Variants in NSF observed in about 807,000 individuals in gnomAD.
NSF encodes vesicle-fusing ATPase.
Under a neutral mutation model 50.3 loss-of-function variants are expected in NSF, and 14 were observed. The observed-to-expected ratio is 0.28, with a 90% CI of 0.18 to 0.44. The LOEUF (loss-of-function observed/expected upper bound fraction) is 0.44, where lower values mean the gene tolerates loss of function less well. Among genes scored for constraint, NSF ranks in the 20% least tolerant of loss-of-function variants. The probability of loss-of-function intolerance (pLI) is 1.00; values close to 1 mark genes in which losing one functional copy is unlikely to be tolerated. For missense variants in NSF, 218 were observed against 504.3 expected, an observed-to-expected ratio of 0.43 and a Z score of 5.44; for synonymous variants, 109 against 175.7, an observed-to-expected ratio of 0.62 and a Z score of 3.00.
chr17:46,610,722 TG>T (rs1422560702), intron 1 of NSF, among the ~76,000 whole-genome samples: 1 of 60,910 alleles, frequency 1.6e-5, no homozygotes, highest in African/African-American at 1.4e-4. Context: ...CACAACCTTA[TG>T]AGTTGGCACT....
intron 17 of NSF, among the ~76,000 whole-genome samples, chr17:46,737,588 T>C (rs1401464128): frequency 6.6e-6 from 1 of 151,734 alleles, no homozygotes; most frequent in Non-Finnish European, 1.5e-5. Context: ...TGTGTGTGTG[T>C]GTGTGTGTGT....
intron 19 of NSF, 73 bp from the exon 20 acceptor site, chr17:46,755,241 C>A: frequency 8.9e-7 from 1 of 1,126,472 alleles, no homozygotes; most frequent in Non-Finnish European, 1.4e-6. Flanking sequence ...CCGAACACTG[C>A]CTTCTCATGA....
In NSF at chr17:46,751,574, A is replaced by G; in HGVS notation, c.2115A>G (p.Ile705Met). ...AAGTCAAAGGGAAGAAGGTCTGGAT[A>G]GGAATCAAGAAGTTACTAATGCTGA... ...AQQVKGKKVW[I>M]GIKKLLMLIE... The change falls in exon 19 of 21, where the codon ATA becomes ATG. Residue 705 changes from isoleucine to methionine, a missense_variant. Physicochemically the swap from Ile to Met is conservative, Grantham distance 10. Around this residue, in one of 2 missense-constraint regions of NSF, gnomAD observed 209 missense variants for 320.9 expected, o/e 0.65. Transcript: ENST00000398238. 1 of 1,614,080 alleles carries G rather than the reference A, an allele frequency of 6.2e-7. No homozygotes were observed. The highest frequency in any genetic ancestry group is 8.5e-7 in the Non-Finnish European group (1 of 1,179,954).
chr17:46,732,695 A>G (rs2058961851), intron 17 of NSF, among the ~76,000 whole-genome samples: 1 of 152,178 alleles, frequency 6.6e-6, no homozygotes, highest in Non-Finnish European at 1.5e-5. Flanking sequence ...TTTAAAACCA[A>G]TTAAAAGCTT....
chr17:46,726,323 C>T (rs1291026064), intron 15 of NSF, among the ~76,000 whole-genome samples: 2 of 152,134 alleles, frequency 1.3e-5, no homozygotes, highest in Non-Finnish European at 2.9e-5. Flanking sequence ...TCAGCTAGTC[C>T]CCAGCCTGCC....
chr17:46,631,660 CAA>C (rs1480317684), intron 4 of NSF, among the ~76,000 whole-genome samples: 1 of 42,196 alleles, frequency 2.4e-5, no homozygotes, highest in Non-Finnish European at 4.2e-5. Context: ...TCTATTGTGA[CAA>C]GATACAGAAA....
chr17:46,605,554 T>A, intron 1 of NSF, among the ~76,000 whole-genome samples: 1 of 119,300 alleles, frequency 8.4e-6, no homozygotes, highest in Non-Finnish European at 1.8e-5. Flanking sequence ...AGACAGGGAG[T>A]AATATTTTCC....
intron 19 of NSF, among the ~76,000 whole-genome samples, chr17:46,752,764 CT>C (rs961061488): frequency 3.3e-5 from 5 of 151,676 alleles, no homozygotes; most frequent in African/African-American, 7.3e-5. Context: ...CCCTCGGTAA[CT>C]TTTTTTCTTT....
At position 46,757,184 on chromosome 17, in the gene NSF, G is replaced by A. The variant is rs571664925; in HGVS notation, c.*1361G>A. 2.0e-5 allele frequency: 3 copies of A among 152,144 alleles called. No individual in the cohort carries two copies. Among genetic ancestry groups the A allele is most frequent in the African/African-American group, 7.2e-5 (3 of 41,430 alleles). 9.4% of individuals were successfully genotyped at this position (152,144 alleles called of 1,614,324 possible). On this transcript the variant is annotated 3_prime_UTR_variant, in exon 21 of 21. Coordinates refer to ENST00000398238, the MANE Select transcript of NSF (RefSeq NM_006178.4). The stretch of plus-strand genomic sequence containing the variant: ...ATTTGTATACTTTTGGTGGAGACTT[G>A]GATGTCATATCTTCTTTGTTTTGGG...
intron 15 of NSF, chr17:46,722,181 G>T (rs1294795508): frequency 1.2e-6 from 2 of 1,610,130 alleles, no homozygotes; most frequent in Non-Finnish European, 1.7e-6. Flanking sequence ...TTTCTCCTGG[G>T]AGAACTTGCA....
At chr17:46,623,434 G>T (rs2058085289) in intron 1 of NSF, among the ~76,000 whole-genome samples, 1 of 6,856 alleles carries the variant, frequency 1.5e-4, no homozygotes, top group African/African-American at 3.5e-4. Flanking sequence ...ATCATGGAAG[G>T]GTTATTGGTT....
At chr17:46,622,801 T>G (rs2058079407) in intron 1 of NSF, among the ~76,000 whole-genome samples, 1 of 150,324 alleles carries the variant, frequency 6.7e-6, no homozygotes, top group African/African-American at 2.5e-5. Context: ...AATAAGAAAT[T>G]GTGTAAAGTC....
chr17:46,750,983 A>G (rs1237284926), intron 18 of NSF, among the ~76,000 whole-genome samples: 2 of 152,208 alleles, frequency 1.3e-5, no homozygotes, highest in Non-Finnish European at 2.9e-5. Flanking sequence ...AATATTCACA[A>G]GTAACTTGGT....
intron 17 of NSF, among the ~76,000 whole-genome samples, chr17:46,730,558 C>T (rs905776126): frequency 6.6e-6 from 1 of 152,106 alleles, no homozygotes; most frequent in African/African-American, 2.4e-5. Context: ...TGTTGTAAAA[C>T]TTATTGTAAG....
chr17:46,717,815 C>T (rs779804508), intron 15 of NSF, among the ~76,000 whole-genome samples: 4 of 152,142 alleles, frequency 2.6e-5, no homozygotes, highest in East Asian at 1.9e-4. Context: ...AACAAGGTGA[C>T]GGAAATCACG....
chr17:46,737,686 T>G (rs1283624556), intron 17 of NSF, among the ~76,000 whole-genome samples: 1 of 151,210 alleles, frequency 6.6e-6, no homozygotes, highest in East Asian at 1.9e-4. Context: ...ATGCATAGAG[T>G]TAGGTTTTAT....
chr17:46,658,005 A>T (rs1598661220), intron 8 of NSF, among the ~76,000 whole-genome samples: 1 of 44,404 alleles, frequency 2.3e-5, no homozygotes, highest in Non-Finnish European at 3.9e-5. Flanking sequence ...GGTCTTTCCT[A>T]TTCAGTAACA....
At chr17:46,630,997 A>G (rs112319248) in intron 4 of NSF, among the ~76,000 whole-genome samples, 18,269 of 136,936 alleles carry the variant, frequency 0.13, 3 homozygotes, top group Non-Finnish European at 0.19. Flanking sequence ...AGCTTTACCA[A>G]TTGTCATATT....
intron 1 of NSF, among the ~76,000 whole-genome samples, chr17:46,605,396 C>T (rs576413916): frequency 6.6e-4 from 88 of 133,162 alleles, no homozygotes; most frequent in African/African-American, 1.6e-3. Flanking sequence ...TGCAGTGAGC[C>T]GAGATCGTGC....
Sources: gnomAD v4.1 joint callset for allele counts (sites outside exome capture counted in the v4.1 genomes callset) on GRCh38, gnomAD v4.1.1 for gene constraint, gnomAD v4.1.1 regional missense constraint, MANE v1.5 for transcripts, NCBI Gene and HGNC (gene_info 2026-07-23, HGNC 2026-07-21) for gene names.